The following CDC42BPG variants were observed in gnomAD, a reference collection of about 807,000 sequenced individuals.
CDC42BPG encodes CDC42 binding protein kinase gamma, also known as serine/threonine-protein kinase MRCK gamma.
CDC42BPG carries 157 observed loss-of-function variants against 192.2 expected under a neutral mutation model. The ratio of observed to expected loss-of-function variants is 0.82; its 90% confidence interval spans 0.72 to 0.93. The LOEUF (loss-of-function observed/expected upper bound fraction) is 0.93. Ranked by LOEUF, CDC42BPG falls within the 40% of genes least tolerant of loss-of-function variation. CDC42BPG has a pLI of 0.00. For synonymous variants in CDC42BPG, 981 were observed against 918.5 expected (o/e 1.07, Z -1.23); for missense variants, 1,992 against 2,122.1 (o/e 0.94, Z 1.20).
intron 30 of CDC42BPG, 38 bp downstream of exon 30, chr11:64,829,433 G>A (rs767741976): frequency 1.3e-6 from 2 of 1,594,270 alleles, no homozygotes; most frequent in Admixed American, 1.8e-5. Context: ...CCCACTGAAG[G>A]TGCCTGGCCC....
chr11:64,836,065 G>A, intron 13 of CDC42BPG, 52 bp downstream of exon 13: 3 of 1,525,628 alleles, frequency 2.0e-6, no homozygotes, highest in Admixed American at 4.0e-5. Context: ...CTCCCTCCAG[G>A]CACACTGGGG....
chr11:64,826,891 C>A, intron 34 of CDC42BPG, 97 bp from the exon 35 acceptor site: 1 of 1,345,988 alleles, frequency 7.4e-7, no homozygotes, highest in Non-Finnish European at 1.0e-6. Context: ...CGCCACTGGG[C>A]CCCCAGCCTG....
chr11:64,839,054 GT>G lies in CDC42BPG; in HGVS notation c.854del (p.Tyr285SerfsTer5), dbSNP rs1943156229. 1 of 1,613,526 alleles carries G rather than the reference GT, an allele frequency of 6.2e-7. No homozygotes were observed. The highest frequency in any genetic ancestry group is 1.1e-5 in the South Asian group (1 of 91,090). ...PFYAESLVET[Y>X]GKIMNHEDHL... Reference sequence around the variant, plus strand: ...AGACCTCGTGGTTCATGATCTTGCCGTAGGTTTCCACCAAGGACTCAGCATA... The same window carrying G: ...AGACCTCGTGGTTCATGATCTTGCCGAGGTTTCCACCAAGGACTCAGCATA... On this transcript the variant is annotated frameshift_variant, in exon 7 of 37. Transcript: ENST00000342711. LOFTEE classifies it high-confidence loss of function.
rs1942346389 is a variant in CDC42BPG, at chr11:64,824,529, C to T, written c.4600G>A (p.Val1534Ile). The stretch of plus-strand genomic sequence containing the variant: ...GGGAGGCTTCGGGGCCGTTCTGAGA[C>T]CTGCAGGAGAAAGAAAAGGAAGTCA... ...SLSPATSLMQ[V>I]SERPRSLPLS... is the part of the protein sequence containing the mutation. The change falls in exon 37 of 37, where the codon GTC becomes ATC. Residue 1534 changes from valine (V) to isoleucine (I), a missense_variant and splice_region_variant. Physicochemically the swap from Val to Ile is conservative, Grantham distance 29 (BLOSUM62 3). This residue lies in a region of CDC42BPG where 336 missense variants were observed against 277.9 expected (regional missense o/e 1.21). Coordinates refer to ENST00000342711, the MANE Select transcript of CDC42BPG (RefSeq NM_017525.3). 3 of 1,603,724 alleles carry T rather than the reference C, an allele frequency of 1.9e-6. No homozygotes were observed. The highest frequency in any genetic ancestry group is 2.6e-6 in the Non-Finnish European group (3 of 1,171,250).
In CDC42BPG at chr11:64,826,655, G is replaced by A. The variant is rs1942432453; in HGVS notation, c.4513+16C>T. ...GGTGGGGGGTGGCACACTGGAGGCT[G>A]AGGGGCTGCCCTTACTGGGGTCTGC... On this transcript the variant is annotated intron_variant, in intron 35 of 36. Coordinates refer to ENST00000342711, the MANE Select transcript of CDC42BPG (RefSeq NM_017525.3). The A allele has an allele frequency of 1.3e-6, 2 of 1,583,078 alleles. 1 individual carries two copies. The highest frequency in any genetic ancestry group is 3.4e-4 in the Middle Eastern group (2 of 5,946).
chr11:64,825,104 A>ATTT (rs1270521592), intron 36 of CDC42BPG, among the ~76,000 whole-genome samples: 9 of 152,040 alleles, frequency 5.9e-5, no homozygotes, highest in African/African-American at 2.2e-4. Context: ...TTTAGTAGAG[A>ATTT]CAGGGTTTCA....
rs1942870036 is a variant in CDC42BPG, at chr11:64,834,419, C to T, written c.2324+10G>A. The T allele has an allele frequency of 1.3e-6, 2 of 1,563,622 alleles. No individual in the cohort carries two copies. The highest frequency in any genetic ancestry group is 1.7e-6 in the Non-Finnish European group (2 of 1,155,792). ...GGGCCCTGGCCCCCAGTGCCTGCCCCTAGCCTCACCGCTCAGCCTGCAGCT... is the reference window on the plus strand; with the variant it reads ...GGGCCCTGGCCCCCAGTGCCTGCCCTTAGCCTCACCGCTCAGCCTGCAGCT... On this transcript the variant is annotated intron_variant, in intron 19 of 36. Transcript: ENST00000342711.
chr11:64,828,548 G>A (rs748537022), intron 30 of CDC42BPG, among the ~76,000 whole-genome samples: 5 of 152,218 alleles, frequency 3.3e-5, no homozygotes, highest in Non-Finnish European at 5.9e-5. Context: ...CACAGCAATC[G>A]CAGCGGTTAT....
chr11:64,836,766 C>T lies in CDC42BPG; in HGVS notation c.1357G>A (p.Val453Met). Residue 453 changes from valine (V) to methionine (M), a missense_variant, in exon 11 of 37, where the codon GTG becomes ATG. Physicochemically the swap from Val to Met is conservative, Grantham distance 21. Coordinates refer to ENST00000342711, the MANE Select transcript of CDC42BPG (RefSeq NM_017525.3). ...GGCAGCCTGTCCCGCAGAGTCTGCA[C>T]TTCCTTCCGTAGCTGCTCCAGCTCC... is the stretch of plus-strand genomic sequence containing the variant. The part of the protein sequence containing the change: ...HRELEQLRKE[V>M]QTLRDRLPEM... 1 of 1,557,420 alleles carries T rather than the reference C, an allele frequency of 6.4e-7. No homozygotes were observed. Among genetic ancestry groups the T allele is most frequent in the Non-Finnish European group, 8.7e-7 (1 of 1,153,662 alleles).
chr11:64,836,712 G>T (rs71539674), intron 11 of CDC42BPG, 27 bp downstream of exon 11: 7 of 797,310 alleles, frequency 8.8e-6, no homozygotes, highest in African/African-American at 7.5e-5. Flanking sequence ...GCCCTGGGGG[G>T]GGGGGGGGGG....
In CDC42BPG at chr11:64,826,756, G is replaced by T; in HGVS notation, c.4428C>A (p.Gly1476=). The T allele has an allele frequency of 6.5e-7, 1 of 1,533,956 alleles. No individual in the cohort carries two copies. The change falls in exon 35 of 37, where the codon GGC becomes GGA. Residue 1476 remains glycine, a synonymous_variant. Coordinates refer to ENST00000342711, the MANE Select transcript of CDC42BPG (RefSeq NM_017525.3). Reference sequence around the variant, plus strand: ...CGGAGAAGCTGTGGGGCCGCTGTGGGCCGGAGCCGCGGGCAACTCGGCCCT... The same window carrying T: ...CGGAGAAGCTGTGGGGCCGCTGTGGTCCGGAGCCGCGGGCAACTCGGCCCT... ...EEKGRVARGS[G]PQRPHSFSEA... is the part of the protein sequence containing the mutation.
At position 64,824,389 on chromosome 11, in the gene CDC42BPG, C is replaced by A. The variant is rs570892636; in HGVS notation, c.*84G>T. 760 of 993,644 alleles carry A rather than the reference C, an allele frequency of 7.6e-4. 4 individuals are homozygous for A. Among genetic ancestry groups the A allele is most frequent in the African/African-American group, 6.9e-3 (437 of 63,304 alleles). 61.6% of individuals were successfully genotyped at this position (993,644 alleles called of 1,614,324 possible). A position where few individuals can be genotyped will look rare whatever the true frequency, so the allele number is the denominator to read the frequency against. On this transcript the variant is annotated 3_prime_UTR_variant, in exon 37 of 37. Transcript: ENST00000342711. ...TGAGTCCGAATTTCCATGTCCCGGA[C>A]CAGCCGGAGTATGGCATTCCTCAAG... is the stretch of plus-strand genomic sequence containing the variant.
In CDC42BPG at chr11:64,824,241, A is replaced by G. The variant is rs1942337925; in HGVS notation, c.*232T>C. 1 of 604,642 alleles carries G rather than the reference A, an allele frequency of 1.7e-6. No homozygotes were observed. Among genetic ancestry groups the G allele is most frequent in the Non-Finnish European group, 3.0e-6 (1 of 332,332 alleles). The allele number at this position is 604,642 out of a possible 1,614,324, so 37.5% of individuals were successfully genotyped here. A position where few individuals can be genotyped will look rare whatever the true frequency, so the allele number is the denominator to read the frequency against. ...AACAAAAGGGGCCATTCTATTCCCA[A>G]TGGCTTAGAAAGGCTGGGGCTGGGA... On this transcript the variant is annotated 3_prime_UTR_variant, in exon 37 of 37. Transcript: ENST00000342711.
Position 64,829,689 on chromosome 11 carries a change from G to T in CDC42BPG, c.3749C>A (p.Pro1250Gln). The T allele has an allele frequency of 6.2e-7, 1 of 1,611,576 alleles. No individual in the cohort carries two copies. Among genetic ancestry groups the T allele is most frequent in the Non-Finnish European group, 8.5e-7 (1 of 1,179,444 alleles). The change falls in exon 30 of 37, where the codon CCG (proline) becomes CAG (glutamine). Residue 1250 changes from proline to glutamine, a missense_variant. Transcript: ENST00000342711. ...VGAAGGFALYPLLNEAAPLAL... is the reference protein window; with the variant it reads ...VGAAGGFALYQLLNEAAPLAL... Reference sequence around the variant, plus strand: ...CAACGGCGCAGCCTCGTTGAGCAGCGGGTAGAGTGCAAAGCCACCGGCGGC... The same window carrying T: ...CAACGGCGCAGCCTCGTTGAGCAGCTGGTAGAGTGCAAAGCCACCGGCGGC...
rs1193603978 is a variant in CDC42BPG, at chr11:64,834,308, G to C, written c.2371C>G (p.Leu791Val). 6.3e-7 allele frequency: 1 copy of C among 1,580,254 alleles called. No homozygotes were observed. Among genetic ancestry groups the C allele is most frequent in the Admixed American group, 1.8e-5 (1 of 56,690 alleles). Residue 791 changes from leucine (L) to valine (V), a missense_variant, in exon 20 of 37, where the codon CTC becomes GTC. By Grantham distance (32) the Leu-to-Val change is conservative (BLOSUM62 1). Transcript: ENST00000342711. ...CGCAGCTCCTCCCGCAGCATGGCGA[G>C]CTCCTGTTGCAGGGCCTGGCTCTGC... Reference protein sequence around the residue: ...EKQSQALQQELAMLREELRAR... With the variant: ...EKQSQALQQEVAMLREELRAR...
rs1247853253 is a variant in CDC42BPG at position 64,844,552 on chromosome 11, G to A, written c.18C>T (p.Arg6=). The A allele has an allele frequency of 4.7e-6, 6 of 1,286,256 alleles. No homozygotes were observed. Among genetic ancestry groups the A allele is most frequent in the Non-Finnish European group, 5.9e-6 (6 of 1,017,688 alleles). The allele number at this position is 1,286,256 out of a possible 1,614,324, so 79.7% of individuals were successfully genotyped here. A position where few individuals can be genotyped will look rare whatever the true frequency, so the allele number is the denominator to read the frequency against. The change falls in exon 1 of 37, where the codon CGC becomes CGT. Residue 6 remains arginine, a synonymous_variant. Transcript: ENST00000342711. ...CGCCCCGCGCCAGCTGCTCCAGCGC[G>A]CGCAGCCGCCGCTCCATGGCTGCGG... The part of the protein sequence containing the change: MERRL[R]ALEQLARGEA...
chr11:64,832,551 G>T, intron 26 of CDC42BPG, 42 bp from the exon 27 acceptor site: 1 of 1,613,888 alleles, frequency 6.2e-7, no homozygotes, highest in South Asian at 1.1e-5. Context: ...CCCTGTCCCT[G>T]ACTGCCCCCC....
chr11:64,831,511 T>C lies in CDC42BPG; in HGVS notation c.3298A>G (p.Ile1100Val). The change falls in exon 28 of 37, where the codon ATC (isoleucine) becomes GTC (valine). Residue 1100 changes from isoleucine to valine, a missense_variant. Transcript: ENST00000342711. Reference sequence around the variant, plus strand: ...GTCCCCTCCACCAGCTCACCGAGGATGGCAGCGCAGAGCGTGTGAGGCAGC... The same window carrying C: ...GTCCCCTCCACCAGCTCACCGAGGACGGCAGCGCAGAGCGTGTGAGGCAGC... ...PLLPHTLCAA[I>V]LDQDRLALGT... 3.1e-6 allele frequency: 5 copies of C among 1,608,048 alleles called. No individual in the cohort carries two copies. Among genetic ancestry groups the C allele is most frequent in the Non-Finnish European group, 4.3e-6 (5 of 1,176,404 alleles).
intron 17 of CDC42BPG, 30 bp downstream of exon 17, chr11:64,835,017 T>TCG: frequency 8.3e-6 from 13 of 1,571,922 alleles, no homozygotes; most frequent in Non-Finnish European, 9.6e-6. Flanking sequence ...TCGCCTGCGT[T>TCG]CCCCACCCCG....
Sources: gnomAD v4.1 joint callset for allele counts (sites outside exome capture counted in the v4.1 genomes callset) on GRCh38, gnomAD v4.1.1 for gene constraint, gnomAD v4.1.1 regional missense constraint, MANE v1.5 for transcripts, NCBI Gene and HGNC (gene_info 2026-07-23, HGNC 2026-07-21) for gene names.